Variants in PIAS1 observed in about 807,000 individuals in gnomAD.
The protein encoded by PIAS1 is E3 SUMO-protein ligase PIAS1.
Under a neutral mutation model 71.3 loss-of-function variants are expected in PIAS1, and 6 were observed. The observed-to-expected ratio is 0.08, with a 90% CI of 0.05 to 0.17. The LOEUF (loss-of-function observed/expected upper bound fraction) is 0.17, where lower values mean the gene tolerates loss of function less well. PIAS1 is among the 10% of genes least tolerant of loss of function. The probability of loss-of-function intolerance (pLI) is 1.00; values close to 1 mark genes in which losing one functional copy is unlikely to be tolerated. For missense variants in PIAS1, 555 were observed against 793.6 expected (o/e 0.70, Z 3.61); for synonymous variants, 303 against 292.9 (o/e 1.03, Z -0.35).
intron 11 of PIAS1, 112 bp downstream of exon 11, chr15:68,176,766 A>G (rs2093022581): frequency 1.3e-6 from 1 of 785,352 alleles, no homozygotes; most frequent in African/African-American, 1.8e-5. Flanking sequence ...TAACTTAGCA[A>G]TCAAAGAATA....
intron 6 of PIAS1, among the ~76,000 whole-genome samples, chr15:68,151,486 A>G (rs144074747): frequency 1.3e-5 from 2 of 152,156 alleles, no homozygotes; most frequent in African/African-American, 4.8e-5. Context: ...TTGAAGCATT[A>G]AGCAAGTAAA....
At chr15:68,153,143 AT>A (rs1021374944) in intron 6 of PIAS1, among the ~76,000 whole-genome samples, 1 of 152,146 alleles carries the variant, frequency 6.6e-6, no homozygotes, top group African/African-American at 2.4e-5. Context: ...TTTAAAAAAA[AT>A]AGATACTATT....
At chr15:68,100,819 A>G (rs987111485) in intron 2 of PIAS1, among the ~76,000 whole-genome samples, 1 of 151,872 alleles carries the variant, frequency 6.6e-6, no homozygotes, top group African/African-American at 2.4e-5. Context: ...TCAGCATTTG[A>G]TGCTATCACT....
intron 2 of PIAS1, among the ~76,000 whole-genome samples, chr15:68,138,586 T>C (rs950022050): frequency 6.6e-6 from 1 of 152,208 alleles, no homozygotes; most frequent in African/African-American, 2.4e-5. Context: ...ACTATTCTCC[T>C]GCCTCAGCCT....
chr15:68,135,240 G>A (rs1305638181), intron 2 of PIAS1, among the ~76,000 whole-genome samples: 18 of 36,636 alleles, frequency 4.9e-4, no homozygotes, highest in African/African-American at 1.0e-3. Context: ...CCGGGCGGGG[G>A]CTGACCCCCC....
rs869104577 is a variant in PIAS1 at position 68,065,915 on chromosome 15, C to CTTTTTT, written c.24+11588_24+11593dup. Among the ~76,000 whole-genome samples the CTTTTTT allele has an allele frequency of 5.2e-3, 209 of 40,172 alleles. 59 individuals carry two copies. Among genetic ancestry groups the CTTTTTT allele is most frequent in the African/African-American group, 8.5e-3 (64 of 7,530 alleles). 26.4% of individuals were successfully genotyped at this position (40,172 alleles called of 152,430 possible). Reference sequence around the variant, plus strand: ...GCCACCATGCTCAGCTGACTAAAAGCTTTTTTTTTTTTTTTTTTTTTTTTT... The same window carrying CTTTTTT: ...GCCACCATGCTCAGCTGACTAAAAGCTTTTTTTTTTTTTTTTTTTTTTTTTTTTTTT... On this transcript the variant is annotated intron_variant, in intron 1 of 13. Transcript: ENST00000249636.
intron 1 of PIAS1, among the ~76,000 whole-genome samples, chr15:68,077,381 G>T (rs73423741): frequency 0.02 from 3,072 of 152,304 alleles, 90 homozygotes; most frequent in African/African-American, 0.068. Flanking sequence ...GAATGATCAG[G>T]AGTGGGAAGG....
chr15:68,109,461 T>C (rs1433022332), intron 2 of PIAS1, among the ~76,000 whole-genome samples: 2 of 152,228 alleles, frequency 1.3e-5, no homozygotes, highest in Non-Finnish European at 1.5e-5. Context: ...TTACATATAC[T>C]AGGTACTCAG....
At chr15:68,075,018 A>T (rs2092142991) in intron 1 of PIAS1, among the ~76,000 whole-genome samples, 1 of 149,222 alleles carries the variant, frequency 6.7e-6, no homozygotes. Flanking sequence ...TTGAAAATGA[A>T]TTTTTATGTA....
chr15:68,166,443 G>T (rs1595782996), intron 8 of PIAS1, among the ~76,000 whole-genome samples: 1 of 151,850 alleles, frequency 6.6e-6, no homozygotes, highest in East Asian at 1.9e-4. Flanking sequence ...AAAGAAAAAG[G>T]TAAAAAGGTG....
At chr15:68,076,478 C>A (rs2092166247) in intron 1 of PIAS1, among the ~76,000 whole-genome samples, 1 of 151,990 alleles carries the variant, frequency 6.6e-6, no homozygotes, top group African/African-American at 2.4e-5. Context: ...CCAGCCTGGG[C>A]GACAGAGTGA....
intron 2 of PIAS1, among the ~76,000 whole-genome samples, chr15:68,121,689 A>T (rs2092614691): frequency 6.6e-6 from 1 of 152,076 alleles, no homozygotes; most frequent in Non-Finnish European, 1.5e-5. Context: ...TGCTCTCTGT[A>T]TGAGAGATTT....
rs547494782 is a variant in PIAS1, at chr15:68,072,527, C to T, written c.25-13779C>T. On this transcript the variant is annotated intron_variant, in intron 1 of 13. Coordinates refer to ENST00000249636, the MANE Select transcript of PIAS1 (RefSeq NM_016166.3). ...TGTTGAATGCTATAAAGGAAAGGGA[C>T]AGAATTCTGTAAGAACATTAACTAG... 5.3e-5 allele frequency among the ~76,000 whole-genome samples: 8 copies of T among 149,744 alleles called. No homozygotes were observed. In the South Asian group the frequency reaches 1.3e-3, roughly 24 times the overall value.
chr15:68,191,443 TAAAAG>T lies in PIAS1; in HGVS notation c.*3614_*3618del, dbSNP rs371816864. 2.0e-4 allele frequency: 31 copies of T among 152,746 alleles called. No homozygotes were observed. The East Asian group carries it at 3.5e-3, about 17-fold the overall frequency. 9.5% of individuals were successfully genotyped at this position (152,746 alleles called of 1,614,324 possible). ...TTTATGTAGAGCTCTTTAGATGTAA[TAAAAG>T]AAAAGCCTTCAGTTAATTTGTCTTC... is the stretch of plus-strand genomic sequence containing the variant. On this transcript the variant is annotated 3_prime_UTR_variant, in exon 14 of 14. Coordinates refer to ENST00000249636, the MANE Select transcript of PIAS1 (RefSeq NM_016166.3).
chr15:68,055,601 G>A (rs1039086360), intron 1 of PIAS1, among the ~76,000 whole-genome samples: 2 of 152,074 alleles, frequency 1.3e-5, no homozygotes, highest in African/African-American at 4.8e-5. Flanking sequence ...TTATTTCGAG[G>A]CTCTGAACGC....
rs77232859 is a variant in PIAS1, at chr15:68,064,362, G to C, written c.24+10012G>C. On this transcript the variant is annotated intron_variant, in intron 1 of 13. Coordinates refer to ENST00000249636, the MANE Select transcript of PIAS1 (RefSeq NM_016166.3). ...TTGACTTTTTTGATAAGATCAGTGT[G>C]ATATTAATGAATGTGTTATGTTGAA... Among the ~76,000 whole-genome samples the C allele has an allele frequency of 4.1e-3, 618 of 152,314 alleles. 2 individuals carry two copies. Among genetic ancestry groups the C allele is most frequent in the Non-Finnish European group, 6.5e-3 (441 of 68,030 alleles).
intron 2 of PIAS1, among the ~76,000 whole-genome samples, chr15:68,128,321 G>T (rs943129641): frequency 1.3e-5 from 2 of 152,014 alleles, no homozygotes; most frequent in Admixed American, 6.6e-5. Flanking sequence ...CGTGTGCCAC[G>T]ACGACCAGCT....
rs78485408 is a variant in PIAS1, at chr15:68,092,194, G to A, written c.469+5444G>A. Among the ~76,000 whole-genome samples the A allele has an allele frequency of 3.3e-3, 502 of 149,878 alleles. 4 individuals are homozygous for A. The highest frequency in any genetic ancestry group is 0.012 in the African/African-American group (486 of 40,732). On this transcript the variant is annotated intron_variant, in intron 2 of 13. Coordinates refer to ENST00000249636, the MANE Select transcript of PIAS1 (RefSeq NM_016166.3). ...ACTTATTTTTTTTCTTTTTTTTTCCGAGATGGTCTCGCTGTATTGCCCAGG... is the reference window on the plus strand; with the variant it reads ...ACTTATTTTTTTTCTTTTTTTTTCCAAGATGGTCTCGCTGTATTGCCCAGG...
chr15:68,129,592 C>A, intron 2 of PIAS1, among the ~76,000 whole-genome samples: 2 of 150,536 alleles, frequency 1.3e-5, no homozygotes, highest in East Asian at 3.9e-4. Context: ...AGATGAAGAA[C>A]CAAGAATTTA....
Sources: allele counts gnomAD v4.1 joint callset (sites outside exome capture counted in the v4.1 genomes callset), GRCh38; gene constraint gnomAD v4.1.1; transcripts MANE v1.5; gene names NCBI Gene and HGNC (gene_info 2026-07-23, HGNC 2026-07-21).